The following ARPC4 variants were observed in gnomAD, a reference collection of about 807,000 sequenced individuals.
The protein encoded by ARPC4 is actin-related protein 2/3 complex subunit 4.
ARPC4 carries 3 observed loss-of-function variants against 22.8 expected under a neutral mutation model. That is an observed-to-expected ratio of 0.13 (90% CI 0.06 to 0.34). ARPC4 has a LOEUF of 0.34. Ranked by LOEUF, ARPC4 falls within the 10% of genes least tolerant of loss-of-function variation. ARPC4 has a pLI of 1.00. For synonymous variants in ARPC4, 80 were observed against 72.5 expected, an observed-to-expected ratio of 1.10 and a Z score of -0.52; for missense variants, 98 against 211.0, an observed-to-expected ratio of 0.46 and a Z score of 3.32.
intron 1 of ARPC4, among the ~76,000 whole-genome samples, chr3:9,796,864 C>T: frequency 6.7e-6 from 1 of 148,950 alleles, no homozygotes; most frequent in East Asian, 1.9e-4. Context: ...GGGCATGAAC[C>T]CGGGAGGTGG....
At chr3:9,802,237 CAAAAAAAAAAA>C (rs1159841703) in intron 4 of ARPC4, among the ~76,000 whole-genome samples, 5 of 50,282 alleles carry the variant, frequency 9.9e-5, no homozygotes, top group Non-Finnish European at 1.3e-4. Flanking sequence ...GACTCCGTCT[CAAAAAAAAAAA>C]AAAAAAAAAA....
rs1464416047 is a variant in ARPC4, at chr3:9,793,160, C to T, written c.3+36C>T. 5 of 1,535,820 alleles carry T rather than the reference C, an allele frequency of 3.3e-6. No individual in the cohort carries two copies. The Middle Eastern group carries it at 6.8e-4, about 209-fold the overall frequency. On this transcript the variant is annotated intron_variant, in intron 1 of 5. Transcript: ENST00000397261. ...CGGGCCCCCGGCCAGGGACCCCCGG[C>T]TGTTCGGCCTCAGGGCAGTGGGTCG...
At chr3:9,799,608 A>G (rs1202184276) in intron 2 of ARPC4, among the ~76,000 whole-genome samples, 1 of 151,994 alleles carries the variant, frequency 6.6e-6, no homozygotes, top group Admixed American at 6.6e-5. Flanking sequence ...ATGCCCAGCT[A>G]ATTTTTATAT....
chr3:9,804,629 T>TC (rs1202697555), intron 5 of ARPC4, among the ~76,000 whole-genome samples: 1 of 152,190 alleles, frequency 6.6e-6, no homozygotes, highest in Admixed American at 6.5e-5. Context: ...CCTTTTTTTT[T>TC]CTCCTTTTTC....
At position 9,793,090 on chromosome 3, in the gene ARPC4, A is replaced by T. The variant is rs745637245; in HGVS notation, c.-32A>T. ...GCATCGCGGGGCTGGCCACTTCCGT[A>T]CTTCCGCTTTCCGGCCCAGCCAGCG... On this transcript the variant is annotated 5_prime_UTR_variant, in exon 1 of 6. Coordinates refer to ENST00000397261, the MANE Select transcript of ARPC4 (RefSeq NM_005718.5). 1 of 1,545,654 alleles carries T rather than the reference A, an allele frequency of 6.5e-7. No individual in the cohort carries two copies. Among genetic ancestry groups the T allele is most frequent in the African/African-American group, 1.4e-5 (1 of 72,940 alleles).
intron 2 of ARPC4, among the ~76,000 whole-genome samples, chr3:9,799,230 C>A (rs945684455): frequency 2.6e-5 from 4 of 152,186 alleles, no homozygotes. Flanking sequence ...CCTTTCCTTA[C>A]CTCTAAGACA....
At position 9,806,248 on chromosome 3, in the gene ARPC4, C is replaced by CA. The variant is rs549292752; in HGVS notation, c.*34dup. ...GGCTGGATCTCGTGGCCTTCCCCCT[C>CA]AGACTACCCATGTCTCCACGAAGGC... On this transcript the variant is annotated 3_prime_UTR_variant, in exon 6 of 6. Coordinates refer to ENST00000397261, the MANE Select transcript of ARPC4 (RefSeq NM_005718.5). 1.4e-5 allele frequency: 23 copies of CA among 1,611,174 alleles called. No individual in the cohort carries two copies. In the African/African-American group the frequency reaches 2.8e-4, roughly 20 times the overall value.
chr3:9,806,103 A>T, intron 5 of ARPC4, 107 bp from the exon 6 acceptor site: 1 of 1,331,672 alleles, frequency 7.5e-7, no homozygotes, highest in East Asian at 2.3e-5. Flanking sequence ...TCTGCCCCTC[A>T]CAGATATGAG....
chr3:9,797,546 T>A, intron 1 of ARPC4, 113 bp from the exon 2 acceptor site: 2 of 1,196,504 alleles, frequency 1.7e-6, no homozygotes, highest in Admixed American at 4.0e-5. Context: ...AGTAGTGTCT[T>A]AAGAGCCTTG....
Position 9,804,276 on chromosome 3 carries a change from A to G in ARPC4, c.501+263A>G, listed in dbSNP as rs572438069. 22 of 371,422 alleles carry G rather than the reference A, an allele frequency of 5.9e-5. No homozygotes were observed. In the South Asian group the frequency reaches 6.8e-4, roughly 11 times the overall value. 23.0% of individuals were successfully genotyped at this position (371,422 alleles called of 1,614,324 possible). A position where few individuals can be genotyped will look rare whatever the true frequency, so the allele number is the denominator to read the frequency against. On this transcript the variant is annotated intron_variant, in intron 5 of 5. Coordinates refer to ENST00000397261, the MANE Select transcript of ARPC4 (RefSeq NM_005718.5). ...CGTAGGAACTTGGTCACTCATTTCTACATCTCAGGATGTTCACAAAGTCCT... is the reference window on the plus strand; with the variant it reads ...CGTAGGAACTTGGTCACTCATTTCTGCATCTCAGGATGTTCACAAAGTCCT...
At chr3:9,801,602 A>G (rs1464575111) in intron 3 of ARPC4, 59 bp from the exon 4 acceptor site, 2 of 1,515,284 alleles carry the variant, frequency 1.3e-6, no homozygotes, top group Non-Finnish European at 1.8e-6. Context: ...CCAGGCTACA[A>G]GGTGTTTTTG....
chr3:9,796,765 C>A (rs2078899573), intron 1 of ARPC4, among the ~76,000 whole-genome samples: 1 of 152,062 alleles, frequency 6.6e-6, no homozygotes, highest in Non-Finnish European at 1.5e-5. Context: ...CACCGTGAAA[C>A]CCTGTCTCTA....
At chr3:9,797,378 G>T (rs1234038889) in intron 1 of ARPC4, among the ~76,000 whole-genome samples, 3 of 152,190 alleles carry the variant, frequency 2.0e-5, no homozygotes, top group Non-Finnish European at 4.4e-5. Flanking sequence ...AATTGAAAAT[G>T]TCTCAGCATT....
At chr3:9,796,692 A>C (rs1230033769) in intron 1 of ARPC4, among the ~76,000 whole-genome samples, 1 of 152,232 alleles carries the variant, frequency 6.6e-6, no homozygotes, top group East Asian at 1.9e-4. Flanking sequence ...CTGTAAACCC[A>C]GCACTTTGGG....
At chr3:9,801,212 GAAAAAAAAAAAAAAA>G (rs745696982) in intron 3 of ARPC4, among the ~76,000 whole-genome samples, 1 of 66,428 alleles carries the variant, frequency 1.5e-5, no homozygotes, top group Admixed American at 2.6e-4. Flanking sequence ...TTCCATCTCA[GAAAAAAAAAAAAAAA>G]AAAAAAAAAA....
At chr3:9,794,542 C>A (rs754703316) in intron 1 of ARPC4, among the ~76,000 whole-genome samples, 62 of 152,158 alleles carry the variant, frequency 4.1e-4, no homozygotes, top group African/African-American at 1.4e-3. Context: ...TGGTGGCATG[C>A]GCCTGTAGTA....
chr3:9,794,048 CT>C (rs1266056970), intron 1 of ARPC4, among the ~76,000 whole-genome samples: 3 of 152,156 alleles, frequency 2.0e-5, no homozygotes, highest in Non-Finnish European at 2.9e-5. Context: ...CCTCATGTCT[CT>C]GCTAAAAATC....
intron 5 of ARPC4, among the ~76,000 whole-genome samples, chr3:9,805,332 T>G (rs1042724391): frequency 6.6e-6 from 1 of 152,232 alleles, no homozygotes; most frequent in East Asian, 1.9e-4. Context: ...TAAAAGCACC[T>G]GTCCAAAGTC....
In ARPC4 at chr3:9,800,175, A is replaced by C; in HGVS notation, c.123-10A>C. On this transcript the variant is annotated splice_polypyrimidine_tract_variant and intron_variant, in intron 2 of 5. Coordinates refer to ENST00000397261, the MANE Select transcript of ARPC4 (RefSeq NM_005718.5). ...TGTAGTACAAGTACTCTGTCACATTATGTTTTCAGGAGTAGCAAAGAGCTC... is the reference window on the plus strand; with the variant it reads ...TGTAGTACAAGTACTCTGTCACATTCTGTTTTCAGGAGTAGCAAAGAGCTC... 6.2e-7 allele frequency: 1 copy of C among 1,613,724 alleles called. No homozygotes were observed. Among genetic ancestry groups the C allele is most frequent in the Non-Finnish European group, 8.5e-7 (1 of 1,179,834 alleles).
Sources: allele counts gnomAD v4.1 joint callset (sites outside exome capture counted in the v4.1 genomes callset), GRCh38; gene constraint gnomAD v4.1.1; transcripts MANE v1.5; gene names NCBI Gene and HGNC (gene_info 2026-07-23, HGNC 2026-07-21).